RHBDD1: variants seen among roughly 807,000 people sequenced by gnomAD.
The protein encoded by RHBDD1 is rhomboid domain containing 1.
RHBDD1 carries 38 observed loss-of-function variants against 36.3 expected under a neutral mutation model. The ratio of observed to expected loss-of-function variants is 1.05; its 90% CI spans 0.81 to 1.37. The LOEUF (loss-of-function observed/expected upper bound fraction) is 1.37, where lower values mean the gene tolerates loss of function less well. Among genes scored for constraint, RHBDD1 ranks in the 40% most tolerant of loss-of-function variants. The pLI is 0.00. For synonymous variants in RHBDD1, 151 were observed against 136.5 expected, an observed-to-expected ratio of 1.11 and a Z score of -0.74; for missense variants, 393 against 377.6, an observed-to-expected ratio of 1.04 and a Z score of -0.34.
intron 5 of RHBDD1, among the ~76,000 whole-genome samples, chr2:226,897,304 G>A (rs1240177838): frequency 8.4e-6 from 1 of 119,242 alleles, no homozygotes; most frequent in Non-Finnish European, 1.7e-5. Flanking sequence ...AGTTTGAGGT[G>A]TGTGTGTCTG....
chr2:226,839,589 A>T lies in RHBDD1; in HGVS notation c.-129A>T, dbSNP rs1243668101. On this transcript the variant is annotated 5_prime_UTR_variant, in exon 3 of 9. An upstream start codon of the reference 5' UTR is lost. Transcript: ENST00000392062. ...GTGGTGGAATAGAAATCCTCAGGGC[A>T]TGAGCTATACCTAAAACGTAATGGT... is the stretch of plus-strand genomic sequence containing the variant. 1 of 152,210 alleles carries T rather than the reference A, an allele frequency of 6.6e-6. No individual in the cohort carries two copies. The highest frequency in any genetic ancestry group is 1.5e-5 in the Non-Finnish European group (1 of 68,038). 9.4% of individuals were successfully genotyped at this position (152,210 alleles called of 1,614,324 possible). A position where few individuals can be genotyped will look rare whatever the true frequency, so the allele number is the denominator to read the frequency against.
the RHBDD1 span, among the ~76,000 whole-genome samples, chr2:226,814,151 T>C: frequency 6.6e-6 from 1 of 152,158 alleles, no homozygotes; most frequent in Non-Finnish European, 1.5e-5. Flanking sequence ...GAAGGAAAGA[T>C]GGCATTCCAT....
chr2:226,824,217 A>G, the RHBDD1 span, among the ~76,000 whole-genome samples: 1 of 152,140 alleles, frequency 6.6e-6, no homozygotes, highest in African/African-American at 2.4e-5. Flanking sequence ...AACATTTAAG[A>G]CATTTGAAGA....
rs188605458 is a variant in RHBDD1 at position 226,867,019 on chromosome 2, C to T, written c.434-167C>T. On this transcript the variant is annotated intron_variant, in intron 4 of 8. Coordinates refer to ENST00000392062, the MANE Select transcript of RHBDD1 (RefSeq NM_001167608.3). ...ACATCAAAGGAGTGACTGCCTTTAA[C>T]GTTGTCTTTTTACCAAATGCAAGGT... Among the ~76,000 whole-genome samples, 324 of 152,218 alleles carry T rather than the reference C, an allele frequency of 2.1e-3. 4 individuals are homozygous for T. Among genetic ancestry groups the T allele is most frequent in the African/African-American group, 7.5e-3 (310 of 41,542 alleles).
intron 5 of RHBDD1, among the ~76,000 whole-genome samples, chr2:226,903,775 G>GC (rs1268750501): frequency 1.3e-5 from 2 of 151,992 alleles, no homozygotes; most frequent in African/African-American, 4.8e-5. Flanking sequence ...CTGCCTATTG[G>GC]CCCACCACAC....
the RHBDD1 span, among the ~76,000 whole-genome samples, chr2:226,819,854 C>G: frequency 6.6e-6 from 1 of 151,982 alleles, no homozygotes; most frequent in Non-Finnish European, 1.5e-5. Flanking sequence ...TAAGCCTTTC[C>G]CCTCATTACT....
intron 8 of RHBDD1, among the ~76,000 whole-genome samples, chr2:226,980,931 ATCTC>A (rs1955586849): frequency 6.6e-6 from 1 of 152,206 alleles, no homozygotes; most frequent in South Asian, 2.1e-4. Flanking sequence ...GTTATTGAAT[ATCTC>A]TCCGTAGCAG....
chr2:226,805,736 G>C, the RHBDD1 span, among the ~76,000 whole-genome samples: 4 of 152,050 alleles, frequency 2.6e-5, no homozygotes, highest in African/African-American at 9.7e-5. Flanking sequence ...AACTTCATTT[G>C]TTTATTTTTT....
At chr2:226,944,095 A>AGT (rs150776396) in intron 8 of RHBDD1, among the ~76,000 whole-genome samples, 2,843 of 152,260 alleles carry the variant, frequency 0.019, 89 homozygotes, top group African/African-American at 0.065. Flanking sequence ...AAGACCACTG[A>AGT]GTGCCTCTTA....
At chr2:226,980,878 T>C (rs1955576859) in intron 8 of RHBDD1, among the ~76,000 whole-genome samples, 1 of 152,196 alleles carries the variant, frequency 6.6e-6, no homozygotes, top group Non-Finnish European at 1.5e-5. Flanking sequence ...TATAAATAAT[T>C]AATGTCTATT....
chr2:226,996,475 T>A lies in RHBDD1; in HGVS notation c.*953T>A, dbSNP rs1575617554. On this transcript the variant is annotated 3_prime_UTR_variant, in exon 9 of 9. Transcript: ENST00000392062. ...ACAATCCACAGATTGTCTGTCTGAG[T>A]CGTTTAAGGCATTTCCTGGTGCTTG... 6.6e-6 allele frequency: 1 copy of A among 152,222 alleles called. No individual in the cohort carries two copies. Among genetic ancestry groups the A allele is most frequent in the East Asian group, 1.9e-4 (1 of 5,200 alleles). The allele number at this position is 152,222 out of a possible 1,614,324, so 9.4% of individuals were successfully genotyped here.
rs183199024 is a variant in RHBDD1 at position 226,929,930 on chromosome 2, A to G, written c.856+15579A>G. 7.9e-5 allele frequency among the ~76,000 whole-genome samples: 12 copies of G among 152,066 alleles called. No homozygotes were observed. In the East Asian group the frequency reaches 2.1e-3, roughly 27 times the overall value. On this transcript the variant is annotated intron_variant, in intron 8 of 8. Transcript: ENST00000392062. Reference sequence around the variant, plus strand: ...CAAACAAAACAAAAAACAAAACAAAACAAAACAAACTGGGGATAAACTTAA... The same window carrying G: ...CAAACAAAACAAAAAACAAAACAAAGCAAAACAAACTGGGGATAAACTTAA...
chr2:226,989,384 G>C (rs1384056544), intron 8 of RHBDD1, among the ~76,000 whole-genome samples: 1 of 152,142 alleles, frequency 6.6e-6, no homozygotes. Context: ...TGGGTAACGG[G>C]GTATAGTAAC....
upstream of RHBDD1, among the ~76,000 whole-genome samples, chr2:226,831,374 CG>C (rs1182315115): frequency 6.6e-6 from 1 of 152,122 alleles, no homozygotes; most frequent in Non-Finnish European, 1.5e-5. Flanking sequence ...CCTTAGAATA[CG>C]TTATTTCAAA....
At chr2:226,905,961 G>T (rs1009079548) in intron 5 of RHBDD1, among the ~76,000 whole-genome samples, 2 of 151,980 alleles carry the variant, frequency 1.3e-5, no homozygotes, top group African/African-American at 4.8e-5. Flanking sequence ...AGAACAACTC[G>T]TTGTGTAGGA....
intron 5 of RHBDD1, among the ~76,000 whole-genome samples, chr2:226,870,271 G>C (rs1944684081): frequency 6.6e-6 from 1 of 152,182 alleles, no homozygotes; most frequent in African/African-American, 2.4e-5. Context: ...ATATGCGAAT[G>C]AGCTCTTTGT....
At chr2:226,823,695 T>C in the RHBDD1 span, among the ~76,000 whole-genome samples, 3 of 152,174 alleles carry the variant, frequency 2.0e-5, no homozygotes, top group East Asian at 1.9e-4. Flanking sequence ...GAATAACACA[T>C]ACTGGGTAAT....
intron 8 of RHBDD1, among the ~76,000 whole-genome samples, chr2:226,930,791 GAAAA>G (rs1027432524): frequency 2.0e-5 from 3 of 148,490 alleles, no homozygotes; most frequent in African/African-American, 7.4e-5. Context: ...AAATCAACAA[GAAAA>G]AAAAATAAAC....
At chr2:226,925,665 G>A (rs1013170428) in intron 8 of RHBDD1, among the ~76,000 whole-genome samples, 1 of 152,142 alleles carries the variant, frequency 6.6e-6, no homozygotes, top group African/African-American at 2.4e-5. Flanking sequence ...TTATAAAGCT[G>A]CTTCCTTTGC....
Sources: gnomAD v4.1 joint callset for allele counts (sites outside exome capture counted in the v4.1 genomes callset) on GRCh38, gnomAD v4.1.1 for gene constraint, MANE v1.5 for transcripts, NCBI Gene and HGNC (gene_info 2026-07-23, HGNC 2026-07-21) for gene names.